The following FCHO2 variants were observed in gnomAD, a reference collection of about 807,000 sequenced individuals.
FCHO2 encodes the protein FCH and mu domain containing endocytic adaptor 2.
A neutral mutation model predicts 114.1 loss-of-function variants in FCHO2; 43 were observed. The observed-to-expected ratio is 0.38, with a 90% confidence interval of 0.30 to 0.49. The LOEUF is 0.49. Among genes scored for constraint, FCHO2 ranks in the 20% least tolerant of loss-of-function variants. FCHO2 has a pLI of 0.97. For synonymous variants in FCHO2, 293 were observed against 315.2 expected (o/e 0.93, Z 0.75); for missense variants, 807 against 950.4 (o/e 0.85, Z 1.98).
chr5:73,010,428 A>G (rs751648292), intron 6 of FCHO2, among the ~76,000 whole-genome samples: 3 of 152,182 alleles, frequency 2.0e-5, no homozygotes, highest in Admixed American at 6.5e-5. Context: ...AGATTTGTTA[A>G]GCAGTACCCT....
chr5:73,072,411 C>T (rs1331109848), intron 19 of FCHO2, among the ~76,000 whole-genome samples: 3 of 151,842 alleles, frequency 2.0e-5, no homozygotes, highest in African/African-American at 7.3e-5. Context: ...TGGGTATATA[C>T]CCAAAAGAAT....
intron 11 of FCHO2, among the ~76,000 whole-genome samples, chr5:73,044,377 C>T (rs1355790351): frequency 6.6e-6 from 1 of 152,148 alleles, no homozygotes; most frequent in Non-Finnish European, 1.5e-5. Flanking sequence ...TAGCTGGGAA[C>T]ACAGGCATAT....
intron 9 of FCHO2, among the ~76,000 whole-genome samples, chr5:73,036,634 C>A (rs750250283): frequency 2.6e-5 from 4 of 152,142 alleles, no homozygotes; most frequent in Non-Finnish European, 5.9e-5. Context: ...CTTTGGCCTT[C>A]CAAAGTGCTG....
chr5:73,019,222 T>G (rs1489006115), intron 8 of FCHO2, among the ~76,000 whole-genome samples: 2 of 152,220 alleles, frequency 1.3e-5, no homozygotes, highest in Non-Finnish European at 2.9e-5. Context: ...ATGGCTTCCA[T>G]CATTAACATT....
chr5:73,082,258 TTC>T (rs1491316913), intron 23 of FCHO2, among the ~76,000 whole-genome samples: 3 of 62,772 alleles, frequency 4.8e-5, no homozygotes, highest in Non-Finnish European at 4.4e-5. Context: ...CTCTCTAAAC[TTC>T]TTTTTTTTTT....
At chr5:73,066,560 A>G (rs1580193945) in intron 18 of FCHO2, among the ~76,000 whole-genome samples, 1 of 143,324 alleles carries the variant, frequency 7.0e-6, no homozygotes. Flanking sequence ...CCAGCTGTAC[A>G]TTGGAGTGCC....
chr5:72,968,364 A>G (rs1031930319), intron 1 of FCHO2, 134 bp from the exon 2 acceptor site: 1 of 563,284 alleles, frequency 1.8e-6, no homozygotes, highest in Non-Finnish European at 3.0e-6. Context: ...TTAAAATCAT[A>G]CAATAAATGA....
chr5:72,990,823 C>T lies in FCHO2; in HGVS notation c.454C>T (p.Arg152Cys), dbSNP rs1355743010. Reference protein sequence around the residue: ...NYNAKCVEQERLKKEGATQRE... With the variant: ...NYNAKCVEQECLKKEGATQRE... ...CAATGCCAAGTGTGTAGAACAGGAG[C>T]GTTTGAAAAAGGAAGGAGCTACACA... is the stretch of plus-strand genomic sequence containing the variant. Residue 152 changes from arginine (R) to cysteine (C), a missense_variant, in exon 5 of 26, where the codon CGT becomes TGT. Transcript: ENST00000430046. 6.5e-7 allele frequency: 1 copy of T among 1,550,258 alleles called. No homozygotes were observed. The highest frequency in any genetic ancestry group is 8.7e-7 in the Non-Finnish European group (1 of 1,146,584).
chr5:73,052,362 G>A lies in FCHO2; in HGVS notation c.1028G>A (p.Ser343Asn), dbSNP rs776376301. Reference sequence around the variant, plus strand: ...AAAGAGAACCATTTCTACTCATCTAGTGATTCTGACTCCGAAGATGAAGAA... The same window carrying A: ...AAAGAGAACCATTTCTACTCATCTAATGATTCTGACTCCGAAGATGAAGAA... ...DTKENHFYSS[S>N]DSDSEDEEPK... The change falls in exon 13 of 26, where the codon AGT (serine) becomes AAT (asparagine). Residue 343 changes from serine to asparagine, a missense_variant. Ser to Asn is a conservative substitution (Grantham distance 46, BLOSUM62 1). Coordinates refer to ENST00000430046, the MANE Select transcript of FCHO2 (RefSeq NM_138782.3). The A allele has an allele frequency of 1.2e-6, 2 of 1,609,042 alleles. No individual in the cohort carries two copies. The highest frequency in any genetic ancestry group is 1.7e-6 in the Non-Finnish European group (2 of 1,177,528).
At chr5:73,039,058 G>A (rs1472060434) in intron 10 of FCHO2, among the ~76,000 whole-genome samples, 2 of 152,140 alleles carry the variant, frequency 1.3e-5, no homozygotes, top group African/African-American at 4.8e-5. Flanking sequence ...CACTTAGGGT[G>A]GTTTTTTGTT....
At chr5:73,038,725 A>C (rs1443431105) in intron 10 of FCHO2, among the ~76,000 whole-genome samples, 1 of 152,200 alleles carries the variant, frequency 6.6e-6, no homozygotes, top group Non-Finnish European at 1.5e-5. Context: ...CCAATTGCAA[A>C]GTCATCTATA....
intron 8 of FCHO2, among the ~76,000 whole-genome samples, chr5:73,027,936 A>G (rs1756029221): frequency 1.3e-5 from 2 of 152,248 alleles, no homozygotes; most frequent in South Asian, 2.1e-4. Flanking sequence ...GCTGGCTCAC[A>G]CCTGTAATCC....
chr5:73,051,662 G>A (rs1229268643), intron 12 of FCHO2, among the ~76,000 whole-genome samples: 4 of 151,994 alleles, frequency 2.6e-5, no homozygotes, highest in African/African-American at 9.7e-5. Context: ...TGCCTCCCGG[G>A]TTTCAGCGAT....
intron 10 of FCHO2, among the ~76,000 whole-genome samples, chr5:73,038,948 A>G (rs1410863647): frequency 2.0e-5 from 3 of 152,220 alleles, no homozygotes; most frequent in Admixed American, 6.5e-5. Flanking sequence ...TTTATAATGT[A>G]TAGGTTTCAT....
At chr5:72,987,909 C>G (rs1184371106) in intron 2 of FCHO2, among the ~76,000 whole-genome samples, 1 of 152,008 alleles carries the variant, frequency 6.6e-6, no homozygotes, top group Admixed American at 6.6e-5. Flanking sequence ...TTTAGATATT[C>G]TGAGTTTGAG....
chr5:73,039,954 A>G (rs1283213411), intron 10 of FCHO2, among the ~76,000 whole-genome samples: 2 of 147,932 alleles, frequency 1.4e-5, no homozygotes, highest in Admixed American at 6.7e-5. Flanking sequence ...AAAAAAAAAA[A>G]AAGAAGAAGA....
At chr5:73,088,019 A>G in intron 25 of FCHO2, 49 bp from the exon 26 acceptor site, 2 of 1,609,332 alleles carry the variant, frequency 1.2e-6, no homozygotes, top group South Asian at 1.1e-5. Context: ...AAATGTCCTT[A>G]GAGTGCATTT....
chr5:72,976,206 A>G (rs1752862027), intron 2 of FCHO2, among the ~76,000 whole-genome samples: 1 of 152,134 alleles, frequency 6.6e-6, no homozygotes, highest in African/African-American at 2.4e-5. Context: ...TGTTTTAATT[A>G]GCATTTTCCT....
chr5:73,070,469 T>A (rs1029478829), intron 19 of FCHO2, among the ~76,000 whole-genome samples: 4 of 152,056 alleles, frequency 2.6e-5, no homozygotes, highest in African/African-American at 9.7e-5. Context: ...TGGTTTTAAT[T>A]TTTTCCCACA....
Sources: allele counts gnomAD v4.1 joint callset (sites outside exome capture counted in the v4.1 genomes callset), GRCh38; gene constraint gnomAD v4.1.1; transcripts MANE v1.5; gene names NCBI Gene and HGNC (gene_info 2026-07-23, HGNC 2026-07-21).